Variants in ANK2 observed in about 807,000 individuals in gnomAD.
ANK2 encodes the protein ankyrin-2.
ANK2 carries 83 observed loss-of-function variants against 360.5 expected under a neutral mutation model. The observed-to-expected ratio is 0.23, with a 90% CI of 0.19 to 0.28. ANK2 has a LOEUF of 0.28. Among genes scored for constraint, ANK2 ranks in the 10% least tolerant of loss-of-function variants. The pLI, the probability that ANK2 is intolerant of heterozygous loss-of-function variation, is 1.00. For missense variants in ANK2, 4,201 were observed against 4,795.7 expected (o/e 0.88, Z 3.66); for synonymous variants, 1,740 against 1,759.5 (o/e 0.99, Z 0.28).
chr4:112,759,910 C>T, the ANK2 span, among the ~76,000 whole-genome samples: 1 of 152,112 alleles, frequency 6.6e-6, no homozygotes, highest in African/African-American at 2.4e-5. Context: ...ATTTCAGTAG[C>T]TGACACTGTA....
At chr4:113,173,477 A>G (rs997387907) in intron 1 of ANK2, among the ~76,000 whole-genome samples, 1 of 152,170 alleles carries the variant, frequency 6.6e-6, no homozygotes, top group Non-Finnish European at 1.5e-5. Context: ...CTCTTTAGTC[A>G]GATATTATAT....
chr4:112,812,677 A>G, the ANK2 span, among the ~76,000 whole-genome samples: 1 of 152,170 alleles, frequency 6.6e-6, no homozygotes, highest in Non-Finnish European at 1.5e-5. Flanking sequence ...TGTGAGAAAA[A>G]TAAATGTTTC....
the ANK2 span, among the ~76,000 whole-genome samples, chr4:112,806,122 G>C: frequency 1.3e-5 from 2 of 151,880 alleles, no homozygotes; most frequent in African/African-American, 4.8e-5. Context: ...GTTGATTATA[G>C]TAACCCTATT....
intron 45 of ANK2, among the ~76,000 whole-genome samples, chr4:113,376,680 CAAGTT>C (rs948712827): frequency 8.6e-5 from 13 of 152,010 alleles, no homozygotes; most frequent in African/African-American, 3.1e-4. Context: ...TGTAATAACA[CAAGTT>C]AAGATGCAAA....
intron 21 of ANK2, 133 bp from the exon 22 acceptor site, chr4:113,293,306 AC>A (rs750475392): frequency 1.5e-5 from 12 of 788,792 alleles, no homozygotes; most frequent in African/African-American, 3.4e-5. Context: ...AATGGTAAAA[AC>A]TAGTGATTTT....
chr4:113,150,520 A>T (rs1432474594), intron 1 of ANK2, among the ~76,000 whole-genome samples: 3 of 152,218 alleles, frequency 2.0e-5, no homozygotes, highest in Admixed American at 2.0e-4. Context: ...GTAAGCATGT[A>T]TTCAGCCAGG....
intron 1 of ANK2, among the ~76,000 whole-genome samples, chr4:113,098,909 CA>C (rs1331503755): frequency 6.6e-6 from 1 of 151,872 alleles, no homozygotes; most frequent in Non-Finnish European, 1.5e-5. Context: ...ATCGTATGAT[CA>C]TATAAGTGAA....
intron 1 of ANK2, among the ~76,000 whole-genome samples, chr4:112,824,749 AC>A (rs1426032556): frequency 6.7e-6 from 1 of 148,808 alleles, no homozygotes; most frequent in African/African-American, 2.5e-5. Context: ...TGATCTACCC[AC>A]CTCGGCCTCT....
chr4:113,103,784 C>G (rs2093272691), intron 1 of ANK2, among the ~76,000 whole-genome samples: 1 of 152,034 alleles, frequency 6.6e-6, no homozygotes, highest in Admixed American at 6.6e-5. Flanking sequence ...TAAATATATC[C>G]ATTAGTCATT....
At chr4:112,934,052 G>T (rs553690646) in intron 2 of ANK2, among the ~76,000 whole-genome samples, 2 of 152,198 alleles carry the variant, frequency 1.3e-5, no homozygotes, top group Admixed American at 6.5e-5. Context: ...TTTGTGAAAG[G>T]GTTGGGGGAG....
chr4:113,361,014 G>C, intron 39 of ANK2, 117 bp downstream of exon 39: 3 of 954,742 alleles, frequency 3.1e-6, no homozygotes, highest in Middle Eastern at 2.1e-4. Context: ...ATGAAAAGAA[G>C]AATAAACTAA....
At chr4:113,094,312 T>G (rs987448278) in intron 1 of ANK2, among the ~76,000 whole-genome samples, 1 of 152,156 alleles carries the variant, frequency 6.6e-6, no homozygotes. Context: ...ATCAGATTCA[T>G]AAATAAATAA....
chr4:112,913,588 A>G (rs1424179886), intron 2 of ANK2, among the ~76,000 whole-genome samples: 2 of 152,224 alleles, frequency 1.3e-5, no homozygotes, highest in African/African-American at 4.8e-5. Context: ...GAATCTGTAT[A>G]TGAGTTTAAT....
rs1270964149 is a variant in ANK2 at position 113,318,561 on chromosome 4, A to G, written c.2841A>G (p.Leu947=). The G allele has an allele frequency of 3.1e-6, 5 of 1,613,846 alleles. No individual in the cohort carries two copies. In the East Asian group the frequency reaches 6.7e-5, roughly 22 times the overall value. The change falls in exon 26 of 46, where the codon CTA becomes CTG. Residue 947 remains leucine (L), a synonymous_variant. Coordinates refer to ENST00000357077, the MANE Select transcript of ANK2 (RefSeq NM_001148.6). ...AKEAERNSYR[L]SWGTENLDNV... is the part of the protein sequence containing the mutation. Reference sequence around the variant, plus strand: ...AGGCAGAAAGGAATTCTTATCGCCTAAGCTGGGGCACTGAGAACTTAGACA... The same window carrying G: ...AGGCAGAAAGGAATTCTTATCGCCTGAGCTGGGGCACTGAGAACTTAGACA...
intron 2 of ANK2, among the ~76,000 whole-genome samples, chr4:112,993,720 T>C (rs893194655): frequency 2.0e-5 from 3 of 151,398 alleles, no homozygotes; most frequent in Non-Finnish European, 4.4e-5. Flanking sequence ...GCATTTTTTT[T>C]TTTTGACACA....
intron 2 of ANK2, among the ~76,000 whole-genome samples, chr4:112,922,672 A>G (rs1025626439): frequency 6.6e-6 from 1 of 152,220 alleles, no homozygotes; most frequent in Non-Finnish European, 1.5e-5. Context: ...AAGATTTCAT[A>G]TAGAGCTTAT....
intron 1 of ANK2, among the ~76,000 whole-genome samples, chr4:112,889,599 A>T (rs1304964273): frequency 6.7e-6 from 1 of 150,118 alleles, no homozygotes; most frequent in Non-Finnish European, 1.5e-5. Context: ...TTATTTTCTT[A>T]AAAAATGTGA....
chr4:112,793,042 A>G, the ANK2 span, among the ~76,000 whole-genome samples: 5 of 152,178 alleles, frequency 3.3e-5, no homozygotes, highest in Non-Finnish European at 7.4e-5. Flanking sequence ...AAATTTTAAA[A>G]TAAAACCAGA....
At chr4:112,808,855 C>CTATTTATT in the ANK2 span, among the ~76,000 whole-genome samples, 9 of 151,874 alleles carry the variant, frequency 5.9e-5, no homozygotes, top group Non-Finnish European at 1.2e-4. Flanking sequence ...GACATACAGA[C>CTATTTATT]TATTTATTTA....
Sources: gnomAD v4.1 joint callset for allele counts (sites outside exome capture counted in the v4.1 genomes callset) on GRCh38, gnomAD v4.1.1 for gene constraint, MANE v1.5 for transcripts, NCBI Gene and HGNC (gene_info 2026-07-23, HGNC 2026-07-21) for gene names.